Variants in UNC13D observed in about 807,000 individuals in gnomAD.
UNC13D encodes protein unc-13 homolog D.
Under a neutral mutation model 151.7 loss-of-function variants are expected in UNC13D, and 115 were observed. The ratio of observed to expected loss-of-function variants is 0.76; its 90% CI spans 0.65 to 0.88. UNC13D has a LOEUF of 0.88. UNC13D is among the 40% of genes least tolerant of loss of function. The pLI, the probability that UNC13D is intolerant of heterozygous loss-of-function variation, is 0.00. For missense variants in UNC13D, 1,369 were observed against 1,438.7 expected (o/e 0.95, Z 0.78); for synonymous variants, 588 against 612.2 (o/e 0.96, Z 0.58).
At position 75,830,227 on chromosome 17, in the gene UNC13D, G is replaced by C; in HGVS notation, c.2831-76C>G. ...CACCCCAGCAGCTATGCTCTGCTCA[G>C]CGGCACTGACCCCTCCTGGTAACTG... On this transcript the variant is annotated intron_variant, in intron 29 of 31. Transcript: ENST00000207549. 1.1e-5 allele frequency: 17 copies of C among 1,558,724 alleles called. No individual in the cohort carries two copies. In the South Asian group the frequency reaches 2.0e-4, roughly 18 times the overall value.
At chr17:75,831,002 G>T in intron 27 of UNC13D, 96 bp downstream of exon 27, 1 of 1,415,854 alleles carries the variant, frequency 7.1e-7, no homozygotes, top group South Asian at 1.2e-5. Flanking sequence ...TTTTGTACTG[G>T]GCCCCATAAA....
chr17:75,839,905 T>TG lies in UNC13D; in HGVS notation c.988dup (p.Gln330ProfsTer131). 1.9e-6 allele frequency: 3 copies of TG among 1,613,778 alleles called. No individual in the cohort carries two copies. Among genetic ancestry groups the TG allele is most frequent in the Non-Finnish European group, 2.5e-6 (3 of 1,179,984 alleles). ...GTGCAGAAAGAGGACGGTGGCAGCCTGGGGACTCAGCGACCCGTCCCAGGA... is the reference window on the plus strand; with the variant it reads ...GTGCAGAAAGAGGACGGTGGCAGCCTGGGGGACTCAGCGACCCGTCCCAGGA... On this transcript the variant is annotated frameshift_variant, in exon 12 of 32. Coordinates refer to ENST00000207549, the MANE Select transcript of UNC13D (RefSeq NM_199242.3). LOFTEE classifies it high-confidence loss of function.
Position 75,843,840 on chromosome 17 carries a change from G to C in UNC13D, c.118-321C>G, listed in dbSNP as rs912956209. ...TCACCCAGCAGCGGAAGTGAGGCTC[G>C]GCAGCGGAGGTGAGGGGGGTGCCAC... On this transcript the variant is annotated intron_variant, in intron 1 of 31. Transcript: ENST00000207549. 2.0e-4 allele frequency: 274 copies of C among 1,372,506 alleles called. No homozygotes were observed. The highest frequency in any genetic ancestry group is 2.5e-4 in the Non-Finnish European group (266 of 1,060,246). 85.0% of individuals were successfully genotyped at this position (1,372,506 alleles called of 1,614,324 possible).
Position 75,840,596 on chromosome 17 carries a change from A to G in UNC13D, c.684-20T>C. 6.2e-7 allele frequency: 1 copy of G among 1,613,918 alleles called. No homozygotes were observed. The highest frequency in any genetic ancestry group is 1.1e-5 in the South Asian group (1 of 91,078). ...AAGATCCTGCGTCAGGCAGGGTCCC[A>G]TAAGGGGGACGCAGCAAGGGTCGGA... On this transcript the variant is annotated intron_variant, in intron 8 of 31. Transcript: ENST00000207549. This position sits in a 1 kb window ranked among gnomAD's most constrained non-coding sequence, Gnocchi z 4.6.
At chr17:75,829,820 C>G in intron 30 of UNC13D, 1 of 655,430 alleles carries the variant, frequency 1.5e-6, no homozygotes, top group Non-Finnish European at 2.5e-6. Flanking sequence ...TCAAGTGATC[C>G]GCCTGCCTCG....
rs140184929 is a variant in UNC13D, at chr17:75,831,135, C to T, written c.2588G>A (p.Gly863Asp). ...LEICFHAEGCGLPPKALHTAT... is the reference protein window; with the variant it reads ...LEICFHAEGCDLPPKALHTAT... ...AGTGTGCAGGGCCTTGGGTGGCAGG[C>T]CACAGCCCTCAGCGTGGAAGCAGAT... The change falls in exon 27 of 32, where the codon GGC (glycine) becomes GAC (aspartate). Residue 863 changes from glycine to aspartate, a missense_variant. By Grantham distance (94) the Gly-to-Asp change is moderately conservative. This residue lies in a region of UNC13D where 807 missense variants were observed against 795.5 expected (regional missense o/e 1.01). Coordinates refer to ENST00000207549, the MANE Select transcript of UNC13D (RefSeq NM_199242.3). 187 of 1,613,990 alleles carry T rather than the reference C, an allele frequency of 1.2e-4. No individual in the cohort carries two copies. The East Asian group carries it at 3.3e-3, about 28-fold the overall frequency.
At chr17:75,836,280 A>G (rs1035901248) in intron 15 of UNC13D, 24 bp from the exon 16 acceptor site, 1 of 1,612,998 alleles carries the variant, frequency 6.2e-7, no homozygotes, top group Non-Finnish European at 8.5e-7. Context: ...GGCAGTGAGC[A>G]GGGAGGGACT....
rs992343397 is a variant in UNC13D at position 75,833,856 on chromosome 17, G to A, written c.2367+219C>T. ...CCTGTTTGGCTGCAAAGTCTAAGCC[G>A]TCCCCAACTGCAGCCCCCTCATTGA... is the stretch of plus-strand genomic sequence containing the variant. On this transcript the variant is annotated intron_variant, in intron 24 of 31. Transcript: ENST00000207549. The surrounding 1 kb of genome is among the most constrained non-coding windows in gnomAD (Gnocchi z 4.0). 5.3e-5 allele frequency among the ~76,000 whole-genome samples: 8 copies of A among 152,190 alleles called. No individual in the cohort carries two copies. The highest frequency in any genetic ancestry group is 1.3e-4 in the Admixed American group (2 of 15,286).
chr17:75,842,388 C>T (rs369198278), intron 6 of UNC13D, 45 bp downstream of exon 6: 53 of 1,586,786 alleles, frequency 3.3e-5, no homozygotes, highest in Non-Finnish European at 4.5e-5. Flanking sequence ...CCCTGCTACC[C>T]AGGAAAGACC....
chr17:75,831,462 C>T, intron 25 of UNC13D, 114 bp from the exon 26 acceptor site: 1 of 952,398 alleles, frequency 1.0e-6, no homozygotes, highest in East Asian at 2.6e-5. Context: ...ACCCCAGCTC[C>T]TCCCACCCCC....
At chr17:75,828,665 G>A in intron 31 of UNC13D, 122 bp downstream of exon 31, 18 of 1,135,050 alleles carry the variant, frequency 1.6e-5, no homozygotes, top group East Asian at 2.7e-5. Context: ...GGCCGTGGCT[G>A]TCCCACTGGC....
chr17:75,839,390 G>C (rs965516154), intron 12 of UNC13D, among the ~76,000 whole-genome samples: 1 of 141,634 alleles, frequency 7.1e-6, no homozygotes, highest in Non-Finnish European at 1.5e-5. Flanking sequence ...TGGGCAACAA[G>C]GGTGAAACTC....
intron 25 of UNC13D, chr17:75,831,760 A>C (rs980799880): frequency 2.7e-5 from 6 of 220,492 alleles, no homozygotes; most frequent in Non-Finnish European, 2.8e-5. Flanking sequence ...CAAGAGATTG[A>C]GACCATCCTG....
chr17:75,827,895 G>A lies in UNC13D; in HGVS notation c.*70C>T, dbSNP rs1367578333. 18 of 1,552,508 alleles carry A rather than the reference G, an allele frequency of 1.2e-5. No individual in the cohort carries two copies. The highest frequency in any genetic ancestry group is 1.4e-5 in the African/African-American group (1 of 73,278). On this transcript the variant is annotated 3_prime_UTR_variant, in exon 32 of 32. Transcript: ENST00000207549. ...TGGAGGGCCGCGATGTGGCGGGGAA[G>A]CCCCAGACCCTACAGGAAAGCCCTT...
chr17:75,830,800 G>A (rs2064866670), intron 27 of UNC13D, 139 bp from the exon 28 acceptor site: 1 of 1,129,402 alleles, frequency 8.9e-7, no homozygotes. Flanking sequence ...ACGGGCTGGG[G>A]CCACCCTCAG....
At position 75,828,018 on chromosome 17, in the gene UNC13D, G is replaced by A. The variant is rs749580256; in HGVS notation, c.3220C>T (p.Arg1074Trp). The A allele has an allele frequency of 3.8e-5, 60 of 1,592,618 alleles. No homozygotes were observed. In the South Asian group the frequency reaches 5.2e-4, roughly 14 times the overall value. ...DREAQVFVRL[R>W]RHRAKQASQH... Reference sequence around the variant, plus strand: ...GAGGCCTGCTTGGCCCGGTGCCGCCGCAGCCTCACAAAGACCTGGGCTTCT... The same window carrying A: ...GAGGCCTGCTTGGCCCGGTGCCGCCACAGCCTCACAAAGACCTGGGCTTCT... The change falls in exon 32 of 32, where the codon CGG (arginine) becomes TGG (tryptophan). Residue 1074 changes from arginine (R) to tryptophan (W), a missense_variant. By Grantham distance (101) the Arg-to-Trp change is moderately radical (BLOSUM62 -3). This residue lies in a region of UNC13D where 807 missense variants were observed against 795.5 expected (regional missense o/e 1.01). Coordinates refer to ENST00000207549, the MANE Select transcript of UNC13D (RefSeq NM_199242.3).
intron 2 of UNC13D, 33 bp from the exon 3 acceptor site, chr17:75,843,299 C>T (rs1239601681): frequency 1.9e-6 from 3 of 1,600,666 alleles, no homozygotes; most frequent in South Asian, 1.1e-5. Context: ...GGGGACCCCA[C>T]CAGCCACCCC....
chr17:75,835,068 G>C lies in UNC13D; in HGVS notation c.1849-5C>G. On this transcript the variant is annotated splice_region_variant and splice_polypyrimidine_tract_variant and intron_variant, in intron 20 of 31. Coordinates refer to ENST00000207549, the MANE Select transcript of UNC13D (RefSeq NM_199242.3). ...CAGTTCACCCAGGGGCACCAGCTGG[G>C]GGAAGAAAGGAGGACTCAGGATACT... is the stretch of plus-strand genomic sequence containing the variant. 1.2e-6 allele frequency: 2 copies of C among 1,613,678 alleles called. No homozygotes were observed. The highest frequency in any genetic ancestry group is 1.7e-6 in the Non-Finnish European group (2 of 1,179,998).
intron 15 of UNC13D, 41 bp from the exon 16 acceptor site, chr17:75,836,297 C>A (rs776808809): frequency 6.2e-7 from 1 of 1,613,172 alleles, no homozygotes; most frequent in Non-Finnish European, 8.5e-7. Flanking sequence ...GACTGCCAGG[C>A]CCAGGCGCTG....
Sources: allele counts gnomAD v4.1 joint callset (sites outside exome capture counted in the v4.1 genomes callset), GRCh38; gene constraint gnomAD v4.1.1; regional missense constraint gnomAD v4.1.1; non-coding constraint Gnocchi (gnomAD v3.1); transcripts MANE v1.5; gene names NCBI Gene and HGNC (gene_info 2026-07-23, HGNC 2026-07-21).